Variants in FER observed in about 807,000 individuals in gnomAD.
FER encodes tyrosine-protein kinase Fer.
Under a neutral mutation model 111.0 loss-of-function variants are expected in FER, and 63 were observed. That is an observed-to-expected ratio of 0.57 (90% confidence interval 0.46 to 0.70). The LOEUF (loss-of-function observed/expected upper bound fraction) is 0.70. Ranked by LOEUF, FER falls within the 30% of genes least tolerant of loss-of-function variation. FER has a pLI of 0.00. For missense variants in FER, 914 were observed against 954.0 expected, an observed-to-expected ratio of 0.96 and a Z score of 0.55; for synonymous variants, 327 against 313.9, an observed-to-expected ratio of 1.04 and a Z score of -0.44.
chr5:108,879,174 TTATAA>T (rs1011675613), intron 8 of FER, among the ~76,000 whole-genome samples: 2 of 152,036 alleles, frequency 1.3e-5, no homozygotes, highest in African/African-American at 4.8e-5. Context: ...CTGCTTTGCC[TTATAA>T]TATTATAATA....
At chr5:108,840,503 C>T (rs1324906219) in intron 5 of FER, among the ~76,000 whole-genome samples, 2 of 151,974 alleles carry the variant, frequency 1.3e-5, no homozygotes, top group Non-Finnish European at 2.9e-5. Flanking sequence ...TCATCTAGAA[C>T]AGTCCTCCTA....
chr5:108,797,706 C>G (rs1296299147), intron 2 of FER, among the ~76,000 whole-genome samples: 1 of 152,212 alleles, frequency 6.6e-6, no homozygotes, highest in Non-Finnish European at 1.5e-5. Flanking sequence ...TGTGATTGCT[C>G]ACCTGATTTT....
chr5:108,826,693 G>A (rs1038277741), intron 3 of FER, among the ~76,000 whole-genome samples: 1 of 152,184 alleles, frequency 6.6e-6, no homozygotes, highest in Non-Finnish European at 1.5e-5. Flanking sequence ...TTCTATAAAT[G>A]TTTTGTAGAA....
intron 16 of FER, among the ~76,000 whole-genome samples, chr5:109,094,560 A>G (rs117319867): frequency 1.3e-5 from 2 of 152,086 alleles, no homozygotes; most frequent in Non-Finnish European, 2.9e-5. Flanking sequence ...GTGGTTGACA[A>G]ATTTTTTTTA....
chr5:109,073,349 G>A (rs374938850), intron 16 of FER, among the ~76,000 whole-genome samples: 27 of 152,224 alleles, frequency 1.8e-4, no homozygotes, highest in African/African-American at 6.3e-4. Flanking sequence ...CTTGAATTTG[G>A]TTAGTGGTCA....
intron 3 of FER, among the ~76,000 whole-genome samples, chr5:108,801,007 A>G (rs1042141382): frequency 6.6e-6 from 1 of 152,190 alleles, no homozygotes; most frequent in African/African-American, 2.4e-5. Flanking sequence ...AGGTCATGCC[A>G]TTGCACTCCA....
At chr5:109,107,011 A>G (rs1189253258) in intron 17 of FER, among the ~76,000 whole-genome samples, 1 of 152,204 alleles carries the variant, frequency 6.6e-6, no homozygotes, top group Middle Eastern at 3.2e-3. Context: ...AGGGCAGTCC[A>G]TTGAGCACAC....
intron 10 of FER, among the ~76,000 whole-genome samples, chr5:108,918,028 A>G (rs935720327): frequency 5.3e-5 from 8 of 152,210 alleles, no homozygotes; most frequent in African/African-American, 1.9e-4. Flanking sequence ...ATAAAATGAG[A>G]ACCAGGAACA....
chr5:109,123,256 C>T (rs139279330), intron 17 of FER, among the ~76,000 whole-genome samples: 15,754 of 149,872 alleles, frequency 0.11, 825 homozygotes, highest in Non-Finnish European at 0.12. Context: ...CCCGGGTTCA[C>T]GCCATTCTCC....
chr5:109,004,743 CA>C (rs934050675), intron 13 of FER, among the ~76,000 whole-genome samples: 4 of 151,894 alleles, frequency 2.6e-5, no homozygotes, highest in African/African-American at 9.7e-5. Flanking sequence ...GTTATAGTAA[CA>C]AAAAAGTCAA....
At chr5:109,112,937 A>C (rs1749799391) in intron 17 of FER, among the ~76,000 whole-genome samples, 1 of 152,154 alleles carries the variant, frequency 6.6e-6, no homozygotes, top group South Asian at 2.1e-4. Context: ...GCCTCTTCTC[A>C]GTAGTATGAA....
Position 108,954,893 on chromosome 5 carries a change from T to C in FER, c.1494T>C (p.Ser498=). Residue 498 remains serine (S), a synonymous_variant, in exon 12 of 20, where the codon TCT becomes TCC. Coordinates refer to ENST00000281092, the MANE Select transcript of FER (RefSeq NM_005246.4). ...GTGAATATGTCCTTTCTGTATATTC[T>C]GATGGACAGAGGAGACATTTTATCA... is the stretch of plus-strand genomic sequence containing the variant. ...KPGEYVLSVY[S]DGQRRHFIIQ... The C allele has an allele frequency of 6.2e-7, 1 of 1,610,742 alleles. No homozygotes were observed.
At chr5:108,782,297 T>C (rs1754177003) in intron 2 of FER, among the ~76,000 whole-genome samples, 1 of 152,074 alleles carries the variant, frequency 6.6e-6, no homozygotes, top group Non-Finnish European at 1.5e-5. Flanking sequence ...ATTTTTTTTT[T>C]TTTTAAGAGA....
At chr5:108,972,673 T>C (rs1186563873) in intron 13 of FER, among the ~76,000 whole-genome samples, 6 of 151,666 alleles carry the variant, frequency 4.0e-5, no homozygotes, top group African/African-American at 1.5e-4. Context: ...ATTCAGTAAA[T>C]ACTTGATATT....
intron 10 of FER, among the ~76,000 whole-genome samples, chr5:108,908,876 A>C (rs1352535451): frequency 6.6e-6 from 1 of 152,168 alleles, no homozygotes; most frequent in Non-Finnish European, 1.5e-5. Flanking sequence ...CTGTATCTAC[A>C]AAAAGTAAAA....
intron 13 of FER, among the ~76,000 whole-genome samples, chr5:108,985,887 C>T (rs1045776194): frequency 6.6e-6 from 1 of 152,092 alleles, no homozygotes; most frequent in African/African-American, 2.4e-5. Context: ...AAATTGTGCT[C>T]CTGTAGACAT....
intron 1 of FER, among the ~76,000 whole-genome samples, chr5:108,758,654 C>A (rs1751386262): frequency 6.6e-6 from 1 of 152,138 alleles, no homozygotes; most frequent in South Asian, 2.1e-4. Context: ...TTTCCCCATC[C>A]CTGATCCCAT....
chr5:108,990,699 C>G (rs896666776), intron 13 of FER, among the ~76,000 whole-genome samples: 1 of 151,498 alleles, frequency 6.6e-6, no homozygotes, highest in Non-Finnish European at 1.5e-5. Context: ...GAAAATACAT[C>G]TTTATAAAGC....
intron 13 of FER, among the ~76,000 whole-genome samples, chr5:109,022,983 T>C (rs1209738307): frequency 6.6e-6 from 1 of 152,128 alleles, no homozygotes; most frequent in Non-Finnish European, 1.5e-5. Context: ...AATGAGAGAA[T>C]AGCAGGTTCT....
Sources: allele counts gnomAD v4.1 joint callset (sites outside exome capture counted in the v4.1 genomes callset), GRCh38; gene constraint gnomAD v4.1.1; transcripts MANE v1.5; gene names NCBI Gene and HGNC (gene_info 2026-07-23, HGNC 2026-07-21).